RAB11FIP5: variants seen among roughly 807,000 people sequenced by gnomAD.
RAB11FIP5 encodes RAB11 family interacting protein 5.
RAB11FIP5 carries 48 observed loss-of-function variants against 85.1 expected under a neutral mutation model. The ratio of observed to expected loss-of-function variants is 0.56; its 90% CI spans 0.45 to 0.72. The LOEUF (loss-of-function observed/expected upper bound fraction) is 0.72, where lower values mean the gene tolerates loss of function less well. RAB11FIP5 is among the 30% of genes least tolerant of loss of function. The pLI is 0.00. For synonymous variants in RAB11FIP5, 729 were observed against 727.3 expected (o/e 1.00, Z -0.04); for missense variants, 1,491 against 1,687.0 (o/e 0.88, Z 2.04).
At chr2:73,082,938 C>T (rs1025618742) in intron 3 of RAB11FIP5, among the ~76,000 whole-genome samples, 22 of 152,348 alleles carry the variant, frequency 1.4e-4, no homozygotes, top group Non-Finnish European at 2.8e-4. Context: ...TCGGTGGCCT[C>T]ACCCTCTGCC....
intron 1 of RAB11FIP5, among the ~76,000 whole-genome samples, chr2:73,094,694 C>A (rs1373360823): frequency 6.6e-6 from 1 of 152,276 alleles, no homozygotes. Context: ...TCCACCTGGG[C>A]TTGTCCTTAA....
intron 1 of RAB11FIP5, among the ~76,000 whole-genome samples, chr2:73,099,496 C>T (rs1684388583): frequency 6.6e-6 from 1 of 152,146 alleles, no homozygotes. Context: ...TGCATGGCAT[C>T]CAGGCTGAGA....
In RAB11FIP5 at chr2:73,075,772, G is replaced by A. The variant is rs1167554658; in HGVS notation, c.3772-48C>T. 2.6e-6 allele frequency: 4 copies of A among 1,529,632 alleles called. No homozygotes were observed. The highest frequency in any genetic ancestry group is 3.5e-6 in the Non-Finnish European group (4 of 1,133,114). The allele number at this position is 1,529,632 out of a possible 1,614,324, so 94.8% of individuals were successfully genotyped here. A position where few individuals can be genotyped will look rare whatever the true frequency, so the allele number is the denominator to read the frequency against. On this transcript the variant is annotated intron_variant, in intron 5 of 5. Transcript: ENST00000486777. This position sits in a 1 kb window ranked among gnomAD's most constrained non-coding sequence, Gnocchi z 4.6. ...GAGCAGGGCAGCCCTAGGCCTGCCT[G>A]CCTGCCTGCCCGCTTGCCCGCCCGC...
chr2:73,083,564 G>A (rs1480384626), intron 3 of RAB11FIP5, among the ~76,000 whole-genome samples: 1 of 152,144 alleles, frequency 6.6e-6, no homozygotes, highest in Admixed American at 6.5e-5. Context: ...CACCCCACCT[G>A]GGCTTCCACT....
At position 73,075,267 on chromosome 2, in the gene RAB11FIP5, G is replaced by A. The variant is rs1261456781; in HGVS notation, c.*254C>T. The A allele has an allele frequency of 2.9e-6, 2 of 696,504 alleles. No homozygotes were observed. The highest frequency in any genetic ancestry group is 4.0e-5 in the Admixed American group (2 of 49,760). The allele number at this position is 696,504 out of a possible 1,614,324, so 43.1% of individuals were successfully genotyped here. ...CCAATTCCCTGGGGCCCCCAAAGCT[G>A]AGGGATATGAAAACAGGCAGGTGGG... is the stretch of plus-strand genomic sequence containing the variant. On this transcript the variant is annotated 3_prime_UTR_variant, in exon 6 of 6. Coordinates refer to ENST00000486777, the MANE Select transcript of RAB11FIP5 (RefSeq NM_001371272.1). The surrounding 1 kb of genome is among the most constrained non-coding windows in gnomAD (Gnocchi z 4.6).
At position 73,081,212 on chromosome 2, in the gene RAB11FIP5, C is replaced by A; in HGVS notation, c.2020G>T (p.Val674Leu). The A allele has an allele frequency of 1.6e-6, 2 of 1,232,374 alleles. No individual in the cohort carries two copies. The highest frequency in any genetic ancestry group is 2.0e-6 in the Non-Finnish European group (2 of 988,198). 76.3% of individuals were successfully genotyped at this position (1,232,374 alleles called of 1,614,324 possible). The change falls in exon 4 of 6, where the codon GTG becomes TTG. Residue 674 changes from valine to leucine, a missense_variant. Val to Leu is a conservative substitution (Grantham distance 32). Transcript: ENST00000486777. The surrounding 1 kb of genome is among the most constrained non-coding windows in gnomAD (Gnocchi z 4.2). ...ARSEILAPAG[V>L]GLEAAGLQDP... ...TGCAGCCCTGCCGCCTCCAGCCCCA[C>A]TCCTGCAGGGGCCAGGATCTCGCTC...
At position 73,081,275 on chromosome 2, in the gene RAB11FIP5, T is replaced by C. The variant is rs1683973228; in HGVS notation, c.1957A>G (p.Asn653Asp). The change falls in exon 4 of 6, where the codon AAC becomes GAC. Residue 653 changes from asparagine (N) to aspartate (D), a missense_variant. Physicochemically the swap from Asn to Asp is conservative, Grantham distance 23 (BLOSUM62 1). Transcript: ENST00000486777. This position sits in a 1 kb window ranked among gnomAD's most constrained non-coding sequence, Gnocchi z 4.2. Reference sequence around the variant, plus strand: ...CGCAGCCTGCTGGCAGCAAAGACGTTGAAGGTGTTGTCCCACTCAGGCAGG... The same window carrying C: ...CGCAGCCTGCTGGCAGCAAAGACGTCGAAGGTGTTGTCCCACTCAGGCAGG... Reference protein sequence around the residue: ...KALPEWDNTFNVFAASRLRPE... With the variant: ...KALPEWDNTFDVFAASRLRPE... 2 of 1,232,254 alleles carry C rather than the reference T, an allele frequency of 1.6e-6. No homozygotes were observed. The highest frequency in any genetic ancestry group is 4.1e-5 in the South Asian group (1 of 24,334). 76.3% of individuals were successfully genotyped at this position (1,232,254 alleles called of 1,614,324 possible). A position where few individuals can be genotyped will look rare whatever the true frequency, so the allele number is the denominator to read the frequency against.
chr2:73,103,508 G>T (rs946776475), intron 1 of RAB11FIP5, among the ~76,000 whole-genome samples: 2 of 152,190 alleles, frequency 1.3e-5, no homozygotes, highest in Non-Finnish European at 2.9e-5. Context: ...TGATAGCACA[G>T]TGTAGGGAGA....
chr2:73,082,064 TAG>T (rs1186152812), intron 3 of RAB11FIP5, among the ~76,000 whole-genome samples: 1 of 141,372 alleles, frequency 7.1e-6, no homozygotes, highest in Non-Finnish European at 1.5e-5. Flanking sequence ...TTTTTTGAGA[TAG>T]AGTCTCTTGC....
Position 73,088,145 on chromosome 2 carries a change from C to T in RAB11FIP5, c.1473G>A (p.Leu491=). ...TGGATGAGTGATGTGGGGAGGCCCC[C>T]AGGATGGGACCCCCCTTTTCCCCCA... The part of the protein sequence containing the change: ...SSLGEKGGPI[L]GASPHHSSSG... Residue 491 remains leucine, a synonymous_variant, in exon 3 of 6, where the codon CTG becomes CTA. Transcript: ENST00000486777. The T allele has an allele frequency of 6.2e-7, 1 of 1,614,130 alleles. No homozygotes were observed. The highest frequency in any genetic ancestry group is 1.1e-5 in the South Asian group (1 of 91,086).
chr2:73,076,243 G>A, intron 4 of RAB11FIP5, 61 bp from the exon 5 acceptor site: 1 of 1,451,824 alleles, frequency 6.9e-7, no homozygotes, highest in Non-Finnish European at 9.5e-7. Flanking sequence ...TCAAAGGTGG[G>A]GCTGCCTTCC....
At position 73,080,521 on chromosome 2, in the gene RAB11FIP5, G is replaced by T. The variant is rs1050760563; in HGVS notation, c.2711C>A (p.Pro904Gln). 3 of 1,232,754 alleles carry T rather than the reference G, an allele frequency of 2.4e-6. No homozygotes were observed. In the Admixed American group the frequency reaches 1.3e-4, roughly 52 times the overall value. 76.4% of individuals were successfully genotyped at this position (1,232,754 alleles called of 1,614,324 possible). A position where few individuals can be genotyped will look rare whatever the true frequency, so the allele number is the denominator to read the frequency against. The change falls in exon 4 of 6, where the codon CCA (proline) becomes CAA (glutamine). Residue 904 changes from proline to glutamine, a missense_variant. Around this residue, in one of 3 missense-constraint regions of RAB11FIP5, gnomAD observed 1,211 missense variants for 1,338.0 expected, o/e 0.91. Transcript: ENST00000486777. ...TCTTGAGGGTGTGAAGAGGCGCGGT[G>T]GCTTGGGAGGTGGGGTGCTGGGCTG... ...GLQPSTPPPK[P>Q]PRLFTPSRSQ...
intron 3 of RAB11FIP5, 22 bp downstream of exon 3, chr2:73,088,028 G>A (rs372194178): frequency 5.7e-6 from 9 of 1,566,864 alleles, no homozygotes; most frequent in Non-Finnish European, 7.8e-6. Flanking sequence ...AAGGAGCAAA[G>A]TTGGTCTTGC....
At chr2:73,084,400 A>T (rs1684055077) in intron 3 of RAB11FIP5, 1 of 152,018 alleles carries the variant, frequency 6.6e-6, no homozygotes, top group Admixed American at 6.6e-5. Flanking sequence ...GAACAAATAA[A>T]CACCTCTGCA....
intron 3 of RAB11FIP5, among the ~76,000 whole-genome samples, chr2:73,082,981 C>A (rs1005779789): frequency 6.6e-6 from 1 of 152,236 alleles, no homozygotes; most frequent in Non-Finnish European, 1.5e-5. Flanking sequence ...TGGCTGGTCT[C>A]CCAGGCCTGG....
chr2:73,089,086 C>G lies in RAB11FIP5; in HGVS notation c.661G>C (p.Asp221His). 1 of 1,614,202 alleles carries G rather than the reference C, an allele frequency of 6.2e-7. No individual in the cohort carries two copies. Among genetic ancestry groups the G allele is most frequent in the South Asian group, 1.1e-5 (1 of 91,090 alleles). Residue 221 changes from aspartate to histidine, a missense_variant, in exon 2 of 6, where the codon GAC (aspartate) becomes CAC (histidine). Around this residue, in one of 3 missense-constraint regions of RAB11FIP5, gnomAD observed 1,211 missense variants for 1,338.0 expected, o/e 0.91. Transcript: ENST00000486777. The surrounding 1 kb of genome is among the most constrained non-coding windows in gnomAD (Gnocchi z 4.6). Reference protein sequence around the residue: ...ILPSSAIEDPDLGSLGKMGKA... With the variant: ...ILPSSAIEDPHLGSLGKMGKA... ...CCCATCTTGCCCAGGCTGCCCAGGT[C>G]AGGATCCTCTATGGCGCTGCTTGGG...
Position 73,112,543 on chromosome 2 carries a change from G to C in RAB11FIP5, c.235C>G (p.Pro79Ala), listed in dbSNP as rs116086108. Reference protein sequence around the residue: ...WREECSFELPPGALDGLLRAQ... With the variant: ...WREECSFELPAGALDGLLRAQ... ...CGCAGCAGGCCATCCAGGGCCCCCG[G>C]CGGCAGCTCGAAGGAGCACTCCTCA... The change falls in exon 1 of 6, where the codon CCG (proline) becomes GCG (alanine). Residue 79 changes from proline to alanine, a missense_variant. By Grantham distance (27) the Pro-to-Ala change is conservative. Around this residue, in one of 3 missense-constraint regions of RAB11FIP5, gnomAD observed 1,211 missense variants for 1,338.0 expected, o/e 0.91. Transcript: ENST00000486777. 1,382 of 1,541,770 alleles carry C rather than the reference G, an allele frequency of 9.0e-4. 9 individuals carry two copies. The African/African-American group carries it at 0.015, about 17-fold the overall frequency.
At position 73,112,710 on chromosome 2, in the gene RAB11FIP5, A is replaced by T; in HGVS notation, c.68T>A (p.Val23Glu). ...PSRWLPTHVQ[V>E]TVLRARGLRG... ...CAGCCCGCGGGCCCGCAGCACCGTC[A>T]CCTGGACGTGCGTGGGCAGCCAGCG... The change falls in exon 1 of 6, where the codon GTG becomes GAG. Residue 23 changes from valine (V) to glutamate (E), a missense_variant. Val to Glu is a moderately radical substitution (Grantham distance 121, BLOSUM62 -2). Transcript: ENST00000486777. 6.4e-7 allele frequency: 1 copy of T among 1,556,762 alleles called. No individual in the cohort carries two copies. Among genetic ancestry groups the T allele is most frequent in the South Asian group, 1.2e-5 (1 of 84,506 alleles).
rs1684085817 is a variant in RAB11FIP5 at position 73,086,065 on chromosome 2, C to A, written c.1568+1985G>T. On this transcript the variant is annotated intron_variant, in intron 3 of 5. Transcript: ENST00000486777. This position sits in a 1 kb window ranked among gnomAD's most constrained non-coding sequence, Gnocchi z 4.4. ...AGCGCCAACAGTCCTTTCTTCCAGG[C>A]CAGCCTTCCCCTCCCTGCAAGGCAC... Among the ~76,000 whole-genome samples, 1 of 152,190 alleles carries A rather than the reference C, an allele frequency of 6.6e-6. No homozygotes were observed. The highest frequency in any genetic ancestry group is 1.5e-5 in the Non-Finnish European group (1 of 68,036).
Sources: allele counts gnomAD v4.1 joint callset (sites outside exome capture counted in the v4.1 genomes callset), GRCh38; gene constraint gnomAD v4.1.1; regional missense constraint gnomAD v4.1.1; non-coding constraint Gnocchi (gnomAD v3.1); transcripts MANE v1.5; gene names NCBI Gene and HGNC (gene_info 2026-07-23, HGNC 2026-07-21).